Variants in FSTL5 observed in about 807,000 individuals in gnomAD.
FSTL5 encodes the protein follistatin like 5.
A neutral mutation model predicts 89.1 loss-of-function variants in FSTL5; 62 were observed. The observed-to-expected ratio is 0.70, with a 90% CI of 0.57 to 0.86. The LOEUF is 0.86. Ranked by LOEUF, FSTL5 falls within the 40% of genes least tolerant of loss-of-function variation. The probability of loss-of-function intolerance (pLI) is 0.00; values close to 1 mark genes in which losing one functional copy is unlikely to be tolerated. For synonymous variants in FSTL5, 383 were observed against 346.2 expected (o/e 1.11, Z -1.18); for missense variants, 1,057 against 1,001.6 (o/e 1.06, Z -0.75).
At chr4:162,040,284 C>A (rs1380347955) in intron 2 of FSTL5, among the ~76,000 whole-genome samples, 1 of 152,002 alleles carries the variant, frequency 6.6e-6, no homozygotes, top group Non-Finnish European at 1.5e-5. Context: ...TATTGTTAGA[C>A]CCACTAAGTA....
At chr4:162,062,750 C>T (rs910751815) in intron 2 of FSTL5, among the ~76,000 whole-genome samples, 9 of 150,776 alleles carry the variant, frequency 6.0e-5, no homozygotes, top group Non-Finnish European at 1.2e-4. Flanking sequence ...TATATACACA[C>T]ACCTTTTTGC....
chr4:161,684,304 G>A (rs764295371), intron 6 of FSTL5, among the ~76,000 whole-genome samples: 1 of 152,148 alleles, frequency 6.6e-6, no homozygotes, highest in Non-Finnish European at 1.5e-5. Flanking sequence ...TAGTGGGATT[G>A]CTGGATCAAA....
At chr4:161,917,911 A>G (rs1376462167) in intron 4 of FSTL5, among the ~76,000 whole-genome samples, 1 of 152,160 alleles carries the variant, frequency 6.6e-6, no homozygotes, top group Non-Finnish European at 1.5e-5. Flanking sequence ...CTCCCATTCT[A>G]AGGTTTTCAT....
At chr4:162,076,582 T>C (rs868468562) in intron 2 of FSTL5, among the ~76,000 whole-genome samples, 3 of 151,966 alleles carry the variant, frequency 2.0e-5, no homozygotes, top group African/African-American at 7.2e-5. Flanking sequence ...TAGATTACCA[T>C]CTGAGGTTAT....
At chr4:161,683,839 G>C (rs1737610281) in intron 6 of FSTL5, among the ~76,000 whole-genome samples, 1 of 152,042 alleles carries the variant, frequency 6.6e-6, no homozygotes, top group Non-Finnish European at 1.5e-5. Context: ...TTTTTGTGTA[G>C]CCATCACCCG....
chr4:161,814,436 A>G (rs1730263373), intron 4 of FSTL5, among the ~76,000 whole-genome samples: 1 of 152,182 alleles, frequency 6.6e-6, no homozygotes, highest in Non-Finnish European at 1.5e-5. Flanking sequence ...GTGTTCATTA[A>G]CATTTCAATG....
intron 8 of FSTL5, among the ~76,000 whole-genome samples, chr4:161,577,550 T>A (rs552611005): frequency 1.3e-5 from 2 of 149,836 alleles, no homozygotes; most frequent in East Asian, 3.9e-4. Flanking sequence ...TCCATTGACA[T>A]TGATGCAGAA....
chr4:161,857,795 C>T (rs932762543), intron 4 of FSTL5, among the ~76,000 whole-genome samples: 4 of 152,076 alleles, frequency 2.6e-5, no homozygotes, highest in Non-Finnish European at 5.9e-5. Flanking sequence ...CTTTTTCTTC[C>T]TTGTCTCTTT....
intron 7 of FSTL5, among the ~76,000 whole-genome samples, chr4:161,655,217 G>T (rs909376930): frequency 3.9e-5 from 6 of 151,968 alleles, no homozygotes; most frequent in African/African-American, 1.2e-4. Flanking sequence ...CTGACAGTCA[G>T]ATCTTTGACA....
At position 161,656,545 on chromosome 4, in the gene FSTL5, C is replaced by T. The variant is rs4691017; in HGVS notation, c.728-51G>A. ...TTGATGAGCATTTAGTTTTGTAAGG[C>T]TAATAGTATAAAATTTCTGAATACT... On this transcript the variant is annotated intron_variant, in intron 6 of 15. Transcript: ENST00000306100. 6.4e-3 allele frequency: 7,744 copies of T among 1,213,944 alleles called. 75 individuals are homozygous for T. Among genetic ancestry groups the T allele is most frequent in the South Asian group, 0.046 (1,760 of 38,356 alleles). 75.2% of individuals were successfully genotyped at this position (1,213,944 alleles called of 1,614,324 possible). A position where few individuals can be genotyped will look rare whatever the true frequency, so the allele number is the denominator to read the frequency against.
intron 6 of FSTL5, among the ~76,000 whole-genome samples, chr4:161,754,560 G>A (rs1360513630): frequency 6.6e-6 from 1 of 151,960 alleles, no homozygotes; most frequent in African/African-American, 2.4e-5. Context: ...ATTTAACTCA[G>A]GAAATGAAGT....
At chr4:161,388,607 G>T (rs1257793276) in intron 15 of FSTL5, among the ~76,000 whole-genome samples, 1 of 151,994 alleles carries the variant, frequency 6.6e-6, no homozygotes, top group African/African-American at 2.4e-5. Flanking sequence ...GGATGTATAG[G>T]TGTGTAAATA....
chr4:161,941,860 C>T (rs1232987339), intron 3 of FSTL5, among the ~76,000 whole-genome samples: 3 of 151,918 alleles, frequency 2.0e-5, no homozygotes, highest in Non-Finnish European at 4.4e-5. Flanking sequence ...GCACAGAAAA[C>T]ATGCCCCAGG....
rs545734359 is a variant in FSTL5, at chr4:161,854,714, G to A, written c.409+65690C>T. 2.6e-5 allele frequency among the ~76,000 whole-genome samples: 4 copies of A among 152,094 alleles called. No homozygotes were observed. In the South Asian group the frequency reaches 6.2e-4, roughly 24 times the overall value. Reference sequence around the variant, plus strand: ...CTTCATGAAAATTGAGGAGTCATGAGAAATGTACAAAATATATAATAAGGG... The same window carrying A: ...CTTCATGAAAATTGAGGAGTCATGAAAAATGTACAAAATATATAATAAGGG... On this transcript the variant is annotated intron_variant, in intron 4 of 15. Coordinates refer to ENST00000306100, the MANE Select transcript of FSTL5 (RefSeq NM_020116.5).
At chr4:161,603,058 A>AT (rs1734305427) in intron 7 of FSTL5, among the ~76,000 whole-genome samples, 1 of 152,200 alleles carries the variant, frequency 6.6e-6, no homozygotes, top group Non-Finnish European at 1.5e-5. Flanking sequence ...AGTAAAATGC[A>AT]TAACAACAAC....
intron 1 of FSTL5, among the ~76,000 whole-genome samples, chr4:162,148,889 T>C (rs1019909985): frequency 1.3e-5 from 2 of 152,188 alleles, no homozygotes; most frequent in Non-Finnish European, 2.9e-5. Flanking sequence ...AGTGAACTCT[T>C]CAGAAACAAC....
intron 6 of FSTL5, among the ~76,000 whole-genome samples, chr4:161,677,157 A>G (rs1737334190): frequency 6.6e-6 from 1 of 152,008 alleles, no homozygotes; most frequent in Admixed American, 6.6e-5. Flanking sequence ...ATAAAATTAC[A>G]AAATGCTCTT....
At chr4:161,645,660 T>A (rs1165171470) in intron 7 of FSTL5, among the ~76,000 whole-genome samples, 1 of 152,136 alleles carries the variant, frequency 6.6e-6, no homozygotes, top group Non-Finnish European at 1.5e-5. Context: ...CGACCTGCGT[T>A]AGTTTTTTGT....
In FSTL5 at chr4:161,978,003, T is replaced by C. The variant is rs17041809; in HGVS notation, c.160+55622A>G. ...CAAAATCCATTTCTTACTTATGTCA[T>C]TGTACTGACAATATCAAAATGATAC... is the stretch of plus-strand genomic sequence containing the variant. On this transcript the variant is annotated intron_variant, in intron 3 of 15. Coordinates refer to ENST00000306100, the MANE Select transcript of FSTL5 (RefSeq NM_020116.5). 1.0e-2 allele frequency among the ~76,000 whole-genome samples: 1,517 copies of C among 152,312 alleles called. 24 individuals carry two copies. The highest frequency in any genetic ancestry group is 0.034 in the African/African-American group (1,418 of 41,574).
Sources: allele counts gnomAD v4.1 joint callset (sites outside exome capture counted in the v4.1 genomes callset), GRCh38; gene constraint gnomAD v4.1.1; transcripts MANE v1.5; gene names NCBI Gene and HGNC (gene_info 2026-07-23, HGNC 2026-07-21).